Variants in PCDH11X observed in about 807,000 individuals in gnomAD.
PCDH11X encodes the protein protocadherin 11 X-linked.
PCDH11X carries 18 observed loss-of-function variants against 53.3 expected under a neutral mutation model. The observed-to-expected ratio is 0.34, with a 90% confidence interval of 0.23 to 0.50. The LOEUF is 0.50. Ranked by LOEUF, PCDH11X falls within the 20% of genes least tolerant of loss-of-function variation. PCDH11X has a pLI of 0.98. For synonymous variants in PCDH11X, 279 were observed against 393.3 expected, an observed-to-expected ratio of 0.71 and a Z score of 3.44; for missense variants, 570 against 1,032.4, an observed-to-expected ratio of 0.55 and a Z score of 6.14.
intron 6 of PCDH11X, among the ~76,000 whole-genome samples, chrX:91,928,033 T>C (rs1240722037): frequency 9.0e-6 from 1 of 111,131 alleles, no homozygotes; most frequent in Admixed American, 9.6e-5. Flanking sequence ...CATGTTTTTC[T>C]CTGCACCTAT....
chrX:92,332,045 G>A (rs1224434975), intron 8 of PCDH11X, among the ~76,000 whole-genome samples: 3 of 110,948 alleles, frequency 2.7e-5, no homozygotes, highest in Non-Finnish European at 5.7e-5. Flanking sequence ...ATGCCATAAC[G>A]AGGGTTTATA....
chrX:91,981,694 A>T (rs2062141525), intron 6 of PCDH11X, among the ~76,000 whole-genome samples: 1 of 110,256 alleles, frequency 9.1e-6, no homozygotes, highest in Non-Finnish European at 1.9e-5. Context: ...AAGCCTCACA[A>T]TCATAGTGGA....
At chrX:92,280,289 G>A (rs998836429) in intron 8 of PCDH11X, among the ~76,000 whole-genome samples, 2 of 111,322 alleles carry the variant, frequency 1.8e-5, no homozygotes, top group Non-Finnish European at 3.8e-5. Flanking sequence ...GGTGGCTCAC[G>A]CCTGTAATCC....
intron 6 of PCDH11X, among the ~76,000 whole-genome samples, chrX:92,152,781 ATG>A (rs1296812844): frequency 3.7e-4 from 39 of 104,093 alleles, no homozygotes; most frequent in African/African-American, 1.3e-3. Context: ...GTATGTATGT[ATG>A]TATGTATGTA....
At chrX:91,802,345 A>C (rs1003011787) in intron 1 of PCDH11X, among the ~76,000 whole-genome samples, 2 of 112,269 alleles carry the variant, frequency 1.8e-5, no homozygotes, top group African/African-American at 6.5e-5. Context: ...AATTCTGTTG[A>C]CTAAAATACA....
intron 8 of PCDH11X, among the ~76,000 whole-genome samples, chrX:92,276,529 C>T (rs1338368492): frequency 7.2e-5 from 8 of 110,513 alleles, no homozygotes; most frequent in Non-Finnish European, 1.3e-4. Flanking sequence ...TAGCAAGCTC[C>T]TGGGGGAGGA....
At chrX:92,253,582 T>A (rs1013098999) in intron 7 of PCDH11X, among the ~76,000 whole-genome samples, 7 of 112,063 alleles carry the variant, frequency 6.2e-5, no homozygotes, top group Admixed American at 2.8e-4. Flanking sequence ...CATGGAATAT[T>A]TTTCTAATTT....
intron 6 of PCDH11X, among the ~76,000 whole-genome samples, chrX:92,140,976 T>C (rs1211394279): frequency 8.9e-6 from 1 of 111,914 alleles, no homozygotes; most frequent in Non-Finnish European, 1.9e-5. Context: ...TATACATTTT[T>C]ATTTATTATT....
In PCDH11X at chrX:91,876,798, C is replaced by T. The variant is rs1334814771; in HGVS notation, c.558C>T (p.Gly186=). 3 of 1,208,446 alleles carry T rather than the reference C, an allele frequency of 2.5e-6. No individual in the cohort carries two copies. The highest frequency in any genetic ancestry group is 4.4e-5 in the Admixed American group (2 of 45,686). The change falls in exon 6 of 11, where the codon GGC becomes GGT. Residue 186 remains glycine (G), a synonymous_variant. Coordinates refer to ENST00000682573, the MANE Select transcript of PCDH11X (RefSeq NM_032968.5). The stretch of plus-strand genomic sequence containing the variant: ...TTTTCCAGAGTCAAAACATTTTTGG[C>T]CTCGATGTCATTGAAACACCAGAAG... ...YELIKSQNIF[G]LDVIETPEGD...
intron 6 of PCDH11X, among the ~76,000 whole-genome samples, chrX:92,032,648 T>C (rs757293455): frequency 9.1e-6 from 1 of 110,389 alleles, no homozygotes; most frequent in South Asian, 3.9e-4. Flanking sequence ...TATATTGAGG[T>C]ATGTTTCTTC....
intron 6 of PCDH11X, chrX:91,982,788 T>G: frequency 1.4e-6 from 1 of 720,633 alleles, no homozygotes; most frequent in Non-Finnish European, 2.2e-6. Flanking sequence ...CAGGCTGGAG[T>G]TGTTCACTTT....
intron 9 of PCDH11X, among the ~76,000 whole-genome samples, chrX:92,438,115 G>A (rs1556420130): frequency 1.8e-5 from 2 of 111,488 alleles, no homozygotes; most frequent in Admixed American, 9.6e-5. Context: ...ATTGAGAGTC[G>A]TATATTCCAT....
At chrX:92,159,148 G>A (rs1165318591) in intron 6 of PCDH11X, among the ~76,000 whole-genome samples, 2 of 110,817 alleles carry the variant, frequency 1.8e-5, no homozygotes, top group Non-Finnish European at 3.8e-5. Flanking sequence ...AACTTTAGCA[G>A]GAATATAAGC....
At chrX:91,785,555 C>A (rs1418625622) in intron 1 of PCDH11X, among the ~76,000 whole-genome samples, 1 of 112,217 alleles carries the variant, frequency 8.9e-6, no homozygotes, top group Admixed American at 9.5e-5. Context: ...ATACATTTTT[C>A]ATCAAAGACA....
intron 8 of PCDH11X, among the ~76,000 whole-genome samples, chrX:92,379,637 G>T (rs1240511060): frequency 9.1e-6 from 1 of 109,381 alleles, no homozygotes; most frequent in African/African-American, 3.3e-5. Context: ...TGAAGCCTGG[G>T]GGCCCGTTGG....
chrX:91,787,696 G>A lies in PCDH11X; in HGVS notation c.-379+8012G>A, dbSNP rs761231234. Among the ~76,000 whole-genome samples, 130 of 110,445 alleles carry A rather than the reference G, an allele frequency of 1.2e-3. 1 individual carries two copies. The highest frequency in any genetic ancestry group is 0.01 in the Admixed American group (104 of 10,336). ...CTCTGCACGTATTATCAATTTGACT[G>A]TATTGATTCATTAACCATCAATAAC... On this transcript the variant is annotated intron_variant, in intron 1 of 10. Transcript: ENST00000682573.
At chrX:91,871,717 A>G (rs1390791660) in intron 5 of PCDH11X, among the ~76,000 whole-genome samples, 1 of 111,551 alleles carries the variant, frequency 9.0e-6, no homozygotes, top group Non-Finnish European at 1.9e-5. Context: ...AAGAAAAAAA[A>G]AACTTCTCTT....
At chrX:91,824,495 G>A (rs1320526264) in intron 4 of PCDH11X, among the ~76,000 whole-genome samples, 4 of 110,728 alleles carry the variant, frequency 3.6e-5, no homozygotes, top group African/African-American at 1.3e-4. Context: ...CATTCTTCAC[G>A]TATTTCTTGA....
At chrX:92,149,756 T>G (rs1413920216) in intron 6 of PCDH11X, among the ~76,000 whole-genome samples, 1 of 110,839 alleles carries the variant, frequency 9.0e-6, no homozygotes, top group African/African-American at 3.3e-5. Context: ...CCTTCTTGCC[T>G]TCACCCTGAC....
Sources: allele counts gnomAD v4.1 joint callset (sites outside exome capture counted in the v4.1 genomes callset), GRCh38; gene constraint gnomAD v4.1.1; transcripts MANE v1.5; gene names NCBI Gene and HGNC (gene_info 2026-07-23, HGNC 2026-07-21).